The following CA10 variants were observed in gnomAD, a reference collection of about 807,000 sequenced individuals.
The protein encoded by CA10 is carbonic anhydrase-related protein 10.
In CA10, 14 loss-of-function variants were observed where a neutral mutation model predicts 44.2. The observed-to-expected ratio is 0.32, with a 90% CI of 0.21 to 0.50. The LOEUF is 0.50. CA10 is among the 20% of genes least tolerant of loss of function. CA10 has a pLI of 0.99. For synonymous variants in CA10, 159 were observed against 141.6 expected (o/e 1.12, Z -0.87); for missense variants, 350 against 409.7 (o/e 0.85, Z 1.26).
intron 2 of CA10, among the ~76,000 whole-genome samples, chr17:52,055,266 G>A (rs1241831868): frequency 6.7e-6 from 1 of 149,942 alleles, no homozygotes; most frequent in South Asian, 2.1e-4. Flanking sequence ...TGAACTGTCA[G>A]TAAAGTGTGA....
At chr17:52,103,147 C>CA (rs2143255314) in intron 1 of CA10, among the ~76,000 whole-genome samples, 1 of 152,322 alleles carries the variant, frequency 6.6e-6, no homozygotes, top group South Asian at 2.1e-4. Context: ...GGGTTATACC[C>CA]AGCACCTGTG....
chr17:52,000,217 G>T (rs1336295653), intron 2 of CA10, among the ~76,000 whole-genome samples: 1 of 152,042 alleles, frequency 6.6e-6, no homozygotes, highest in Admixed American at 6.6e-5. Flanking sequence ...AAGTCCTCAA[G>T]CCCTGGGCCA....
chr17:51,797,593 C>T (rs1048755595), intron 3 of CA10, among the ~76,000 whole-genome samples: 7 of 152,124 alleles, frequency 4.6e-5, no homozygotes, highest in African/African-American at 1.4e-4. Flanking sequence ...CAGTGGCTCA[C>T]ACCTGTAATC....
At chr17:52,123,090 C>T (rs1195943414) in intron 1 of CA10, among the ~76,000 whole-genome samples, 1 of 152,126 alleles carries the variant, frequency 6.6e-6, no homozygotes. Context: ...AGGGAACCAG[C>T]ACAATTGTGA....
chr17:52,092,310 T>G (rs1988288307), intron 1 of CA10, among the ~76,000 whole-genome samples: 1 of 152,230 alleles, frequency 6.6e-6, no homozygotes, highest in Non-Finnish European at 1.5e-5. Context: ...CACTATTTAA[T>G]TCAAGCCATT....
At chr17:51,814,873 C>T (rs1598058711) in intron 3 of CA10, among the ~76,000 whole-genome samples, 1 of 152,318 alleles carries the variant, frequency 6.6e-6, no homozygotes, top group East Asian at 1.9e-4. Flanking sequence ...TGCTAAGTTA[C>T]CTGTACTGAG....
At chr17:51,732,715 ATTTCTTC>A (rs774966622) in intron 4 of CA10, among the ~76,000 whole-genome samples, 3 of 152,170 alleles carry the variant, frequency 2.0e-5, no homozygotes, top group Non-Finnish European at 4.4e-5. Context: ...GGAAAACCAA[ATTTCTTC>A]TTTGGAGAAT....
intron 2 of CA10, among the ~76,000 whole-genome samples, chr17:51,938,851 T>G (rs1439562202): frequency 6.6e-6 from 1 of 152,060 alleles, no homozygotes; most frequent in Non-Finnish European, 1.5e-5. Context: ...GTGAGGAAAA[T>G]AATACTCAAA....
At chr17:51,843,468 C>T (rs1186610786) in intron 3 of CA10, among the ~76,000 whole-genome samples, 1 of 152,178 alleles carries the variant, frequency 6.6e-6, no homozygotes, top group Non-Finnish European at 1.5e-5. Context: ...TAGACCTCTG[C>T]TACAGGGCAG....
intron 2 of CA10, among the ~76,000 whole-genome samples, chr17:51,982,664 T>A (rs900192848): frequency 6.6e-6 from 1 of 151,896 alleles, no homozygotes; most frequent in Non-Finnish European, 1.5e-5. Flanking sequence ...CCCTGATGGT[T>A]AAAGCCCTAC....
At chr17:52,093,397 T>C (rs889107344) in intron 1 of CA10, among the ~76,000 whole-genome samples, 3 of 152,138 alleles carry the variant, frequency 2.0e-5, no homozygotes, top group Admixed American at 1.3e-4. Context: ...TTTTCCCTCT[T>C]TGTACAAATG....
chr17:51,967,551 A>C (rs1254427340), intron 2 of CA10, among the ~76,000 whole-genome samples: 1 of 151,852 alleles, frequency 6.6e-6, no homozygotes, highest in African/African-American at 2.4e-5. Flanking sequence ...ACATAGATGC[A>C]CCTGGAGGCC....
chr17:52,046,234 A>G (rs1258976280), intron 2 of CA10, among the ~76,000 whole-genome samples: 2 of 151,668 alleles, frequency 1.3e-5, no homozygotes, highest in Non-Finnish European at 3.0e-5. Flanking sequence ...ATGGAAAACA[A>G]AGAAAAAAGA....
At chr17:52,072,678 T>TACACACACAC (rs58984767) in intron 1 of CA10, among the ~76,000 whole-genome samples, 7,250 of 140,066 alleles carry the variant, frequency 0.052, 261 homozygotes, top group Middle Eastern at 0.085. Flanking sequence ...ATCTTCCCCA[T>TACACACACAC]ACACACACAC....
At chr17:51,667,295 G>A (rs1914244547) in intron 4 of CA10, among the ~76,000 whole-genome samples, 1 of 152,158 alleles carries the variant, frequency 6.6e-6, no homozygotes, top group Admixed American at 6.5e-5. Context: ...AGAGGTCAAT[G>A]GACAGTGGGG....
intron 2 of CA10, among the ~76,000 whole-genome samples, chr17:52,043,140 G>A (rs1043573588): frequency 2.0e-5 from 3 of 151,900 alleles, no homozygotes; most frequent in Non-Finnish European, 4.4e-5. Flanking sequence ...AAATCCACTG[G>A]AATTGTGTTG....
At chr17:51,868,883 G>GT (rs138620002) in intron 3 of CA10, among the ~76,000 whole-genome samples, 227 of 148,654 alleles carry the variant, frequency 1.5e-3, no homozygotes, top group African/African-American at 5.2e-3. Flanking sequence ...GAAGCCAAAA[G>GT]TTTTTTTGTT....
At chr17:51,803,712 T>C (rs539806490) in intron 3 of CA10, among the ~76,000 whole-genome samples, 2 of 152,348 alleles carry the variant, frequency 1.3e-5, no homozygotes, top group East Asian at 3.9e-4. Context: ...AATATTAAAT[T>C]TTAAAGTATA....
chr17:51,957,940 A>G lies in CA10; in HGVS notation c.137-26808T>C, dbSNP rs372334487. Among the ~76,000 whole-genome samples the G allele has an allele frequency of 6.6e-5, 10 of 151,384 alleles. No homozygotes were observed. In the East Asian group the frequency reaches 9.8e-4, roughly 15 times the overall value. ...GGGGTGAATCATCCCTCCCTTGTGT[A>G]TATTCCCAGAGAAGGCTGTTTCTGC... On this transcript the variant is annotated intron_variant, in intron 2 of 8. Coordinates refer to ENST00000451037, the MANE Select transcript of CA10 (RefSeq NM_020178.5).
Sources: allele counts gnomAD v4.1 joint callset (sites outside exome capture counted in the v4.1 genomes callset), GRCh38; gene constraint gnomAD v4.1.1; transcripts MANE v1.5; gene names NCBI Gene and HGNC (gene_info 2026-07-23, HGNC 2026-07-21).